Variants in SYNE2 observed in about 807,000 individuals in gnomAD.
The protein encoded by SYNE2 is spectrin repeat containing nuclear envelope protein 2.
Under a neutral mutation model 856.3 loss-of-function variants are expected in SYNE2, and 431 were observed. The ratio of observed to expected loss-of-function variants is 0.50; its 90% CI spans 0.47 to 0.55. SYNE2 has a LOEUF of 0.55. Among genes scored for constraint, SYNE2 ranks in the 20% least tolerant of loss-of-function variants. SYNE2 has a pLI of 0.00. For missense variants in SYNE2, 8,129 were observed against 8,023.2 expected (o/e 1.01, Z -0.50); for synonymous variants, 2,923 against 2,872.3 (o/e 1.02, Z -0.56).
Position 64,090,942 on chromosome 14 carries a change from C to T in SYNE2, c.11870C>T (p.Pro3957Leu), listed in dbSNP as rs1438132020. Residue 3957 changes from proline to leucine, a missense_variant, in exon 60 of 116, where the codon CCC (proline) becomes CTC (leucine). Physicochemically the swap from Pro to Leu is moderately conservative, Grantham distance 98 (BLOSUM62 -3). Around this residue, in one of 3 missense-constraint regions of SYNE2, gnomAD observed 5,410 missense variants for 5,284.8 expected, o/e 1.02. Transcript: ENST00000555002. ...TCTTACCAAGTGGAACTGAGGTTGC[C>T]CCAAACAGGAATGAAACCTCTGCCT... ...IVSYQVELRL[P>L]QTGMKPLPVF... 22 of 1,613,904 alleles carry T rather than the reference C, an allele frequency of 1.4e-5. No individual in the cohort carries two copies. Among genetic ancestry groups the T allele is most frequent in the Non-Finnish European group, 1.9e-5 (22 of 1,180,000 alleles).
chr14:63,946,612 C>G (rs35663392), intron 6 of SYNE2, among the ~76,000 whole-genome samples: 28,550 of 146,270 alleles, frequency 0.2, 3,174 homozygotes, highest in African/African-American at 0.31. Context: ...TAATATATAA[C>G]TTTTGTCCAG....
intron 84 of SYNE2, among the ~76,000 whole-genome samples, chr14:64,149,621 A>G (rs183250265): frequency 6.6e-6 from 1 of 152,358 alleles, no homozygotes; most frequent in African/African-American, 2.4e-5. Flanking sequence ...CCTCTATACT[A>G]TAAGCAAGCA....
rs532495528 is a variant in SYNE2 at position 64,212,075 on chromosome 14, G to A, written c.18838G>A (p.Asp6280Asn). 5.5e-5 allele frequency: 88 copies of A among 1,614,132 alleles called. 2 individuals carry two copies. The South Asian group carries it at 8.5e-4, about 16-fold the overall frequency. ...GGAGCACTTCTCAGAGAGTGACGCC[G>A]ATGACAAGATGCGCCAACTGAATGT... ...NVEHFSESDA[D>N]DKMRQLNGFQ... Residue 6280 changes from aspartate to asparagine, a missense_variant, in exon 104 of 116, where the codon GAT (aspartate) becomes AAT (asparagine). By Grantham distance (23) the Asp-to-Asn change is conservative. This residue lies in a region of SYNE2 where 5,410 missense variants were observed against 5,284.8 expected (regional missense o/e 1.02). Coordinates refer to ENST00000555002, the MANE Select transcript of SYNE2 (RefSeq NM_182914.3).
At chr14:64,007,588 T>A (rs1355300945) in intron 31 of SYNE2, among the ~76,000 whole-genome samples, 1 of 152,070 alleles carries the variant, frequency 6.6e-6, no homozygotes, top group Admixed American at 6.6e-5. Flanking sequence ...TCAGAAGTGG[T>A]AAAATAGGCT....
chr14:63,990,668 A>T (rs2096659772), intron 20 of SYNE2, 99 bp downstream of exon 20: 5 of 1,078,862 alleles, frequency 4.6e-6, no homozygotes. Flanking sequence ...TAGCTTGGAA[A>T]TGTTTTGTAA....
At chr14:64,220,792 C>CA (rs2098690782) in intron 111 of SYNE2, among the ~76,000 whole-genome samples, 155 bp downstream of exon 111, 1 of 152,194 alleles carries the variant, frequency 6.6e-6, no homozygotes, top group East Asian at 1.9e-4. Context: ...CACAGAGGCT[C>CA]ACCGGCCATC....
At chr14:63,980,365 A>C (rs2096576528) in intron 14 of SYNE2, among the ~76,000 whole-genome samples, 1 of 152,218 alleles carries the variant, frequency 6.6e-6, no homozygotes. Context: ...TCCTGAAATT[A>C]AATACCTAAC....
In SYNE2 at chr14:63,976,287, T is replaced by C. The variant is rs1255895; in HGVS notation, c.1129-276T>C. 0.52 allele frequency among the ~76,000 whole-genome samples: 78,676 copies of C among 151,994 alleles called. 21,396 individuals are homozygous for C. The highest frequency in any genetic ancestry group is 0.7 in the African/African-American group (28,826 of 41,450). On this transcript the variant is annotated intron_variant, in intron 11 of 115. Transcript: ENST00000555002. The stretch of plus-strand genomic sequence containing the variant: ...TGTGCTTTTAATCTTTTGAATTTCC[T>C]CCATATCTTATTGTGGATTTATCAA...
rs1596342542 is a variant in SYNE2 at position 64,225,777 on chromosome 14, A to T, written c.*251A>T. The T allele has an allele frequency of 3.4e-6, 2 of 596,614 alleles. No homozygotes were observed. Among genetic ancestry groups the T allele is most frequent in the East Asian group, 5.5e-5 (2 of 36,158 alleles). 37.0% of individuals were successfully genotyped at this position (596,614 alleles called of 1,614,324 possible). A position where few individuals can be genotyped will look rare whatever the true frequency, so the allele number is the denominator to read the frequency against. On this transcript the variant is annotated 3_prime_UTR_variant, in exon 116 of 116. Transcript: ENST00000555002. The stretch of plus-strand genomic sequence containing the variant: ...GCAGAACTAGTTGATTAGTTTAGGG[A>T]TCTCTGGAAATGTCAGTTTCCTGAA...
Position 64,087,683 on chromosome 14 carries a change from G to T in SYNE2, c.11497G>T (p.Asp3833Tyr). 1 of 1,614,068 alleles carries T rather than the reference G, an allele frequency of 6.2e-7. No homozygotes were observed. The highest frequency in any genetic ancestry group is 1.1e-5 in the South Asian group (1 of 91,066). ...TGTGTTTATCTAGATGGCTTTGGAA[G>T]ATTCAGAACAGAAGCACAATCTTTT... The part of the protein sequence containing the change: ...HASTVQMALE[D>Y]SEQKHNLLHS... Residue 3833 changes from aspartate to tyrosine, a missense_variant, in exon 58 of 116, where the codon GAT becomes TAT. Around this residue, in one of 3 missense-constraint regions of SYNE2, gnomAD observed 5,410 missense variants for 5,284.8 expected, o/e 1.02. Transcript: ENST00000555002.
At chr14:63,884,194 A>G (rs1166012047) in intron 1 of SYNE2, among the ~76,000 whole-genome samples, 3 of 152,186 alleles carry the variant, frequency 2.0e-5, no homozygotes, top group African/African-American at 7.2e-5. Context: ...GAGAAGGTGG[A>G]ATTTCTAGAC....
At chr14:63,913,842 T>TAAATTTAATTTAATTTTAAATTTTA (rs2095503762) in intron 2 of SYNE2, among the ~76,000 whole-genome samples, 3 of 152,080 alleles carry the variant, frequency 2.0e-5, no homozygotes, top group African/African-American at 7.2e-5. Context: ...TAAAATTTTT[T>TAAATTTAATTTAATTTTAAATTTTA]AAATTTAATT....
chr14:64,126,192 C>T (rs1371867370), intron 71 of SYNE2, 135 bp from the exon 72 acceptor site: 2 of 753,132 alleles, frequency 2.7e-6, no homozygotes. Context: ...CTACCTAGTT[C>T]ACAAAGCGTT....
intron 1 of SYNE2, among the ~76,000 whole-genome samples, chr14:63,841,534 T>C (rs1171453568): frequency 6.6e-6 from 1 of 152,224 alleles, no homozygotes; most frequent in African/African-American, 2.4e-5. Flanking sequence ...GGGCAAGTTC[T>C]TGTAAGGTTA....
At chr14:63,919,859 ACT>A (rs1382728647) in intron 2 of SYNE2, among the ~76,000 whole-genome samples, 1 of 151,964 alleles carries the variant, frequency 6.6e-6, no homozygotes, top group Admixed American at 6.6e-5. Context: ...TGGAAGCCTG[ACT>A]CTGCATTGAG....
At chr14:64,113,976 G>A (rs1049771398) in intron 66 of SYNE2, among the ~76,000 whole-genome samples, 6 of 152,156 alleles carry the variant, frequency 3.9e-5, no homozygotes, top group African/African-American at 1.4e-4. Context: ...TAGGATTTTT[G>A]TCAGGATTAA....
Position 63,993,816 on chromosome 14 carries a change from C to CA in SYNE2, c.2647-17dup, listed in dbSNP as rs1405006896. On this transcript the variant is annotated intron_variant, in intron 21 of 115. Coordinates refer to ENST00000555002, the MANE Select transcript of SYNE2 (RefSeq NM_182914.3). Reference sequence around the variant, plus strand: ...AATGAGGCTTTTATGATTTTGTTTGCAATTTTTTTTTTTTTTAGGAAGCAC... The same window carrying CA: ...AATGAGGCTTTTATGATTTTGTTTGCAAATTTTTTTTTTTTTTAGGAAGCAC... The CA allele has an allele frequency of 2.1e-6, 3 of 1,440,826 alleles. No homozygotes were observed. The highest frequency in any genetic ancestry group is 1.7e-5 in the African/African-American group (1 of 58,786). 89.3% of individuals were successfully genotyped at this position (1,440,826 alleles called of 1,614,324 possible).
chr14:63,855,549 G>C (rs1054061280), intron 1 of SYNE2, among the ~76,000 whole-genome samples: 4 of 152,060 alleles, frequency 2.6e-5, no homozygotes, highest in Non-Finnish European at 5.9e-5. Flanking sequence ...CCTGTCCCTA[G>C]CTCCCATATC....
chr14:64,140,667 A>C (rs2098131981), intron 80 of SYNE2, among the ~76,000 whole-genome samples: 2 of 152,258 alleles, frequency 1.3e-5, no homozygotes, highest in African/African-American at 4.8e-5. Flanking sequence ...TTATTAACTT[A>C]TAAATGTTAA....
Sources: allele counts gnomAD v4.1 joint callset (sites outside exome capture counted in the v4.1 genomes callset), GRCh38; gene constraint gnomAD v4.1.1; regional missense constraint gnomAD v4.1.1; transcripts MANE v1.5; gene names NCBI Gene and HGNC (gene_info 2026-07-23, HGNC 2026-07-21).